The following WDR7 variants were observed in gnomAD, a reference collection of about 807,000 sequenced individuals.
The protein encoded by WDR7 is WD repeat domain 7.
In WDR7, 46 loss-of-function variants were observed where a neutral mutation model predicts 169.4. The ratio of observed to expected loss-of-function variants is 0.27; its 90% CI spans 0.21 to 0.35. The LOEUF (loss-of-function observed/expected upper bound fraction) is 0.35. Ranked by LOEUF, WDR7 falls within the 10% of genes least tolerant of loss-of-function variation. The pLI, the probability that WDR7 is intolerant of heterozygous loss-of-function variation, is 1.00. For synonymous variants in WDR7, 612 were observed against 666.8 expected, an observed-to-expected ratio of 0.92 and a Z score of 1.27; for missense variants, 1,534 against 1,859.3, an observed-to-expected ratio of 0.83 and a Z score of 3.22.
intron 26 of WDR7, among the ~76,000 whole-genome samples, chr18:56,986,731 TA>T (rs11333826): frequency 0.03 from 4,476 of 148,154 alleles, 130 homozygotes; most frequent in African/African-American, 0.072. Flanking sequence ...CGGGGGAAAA[TA>T]AAAAAAAAAT....
chr18:56,827,465 C>T (rs2045227601), intron 20 of WDR7, among the ~76,000 whole-genome samples: 1 of 152,028 alleles, frequency 6.6e-6, no homozygotes, highest in African/African-American at 2.4e-5. Context: ...CAAATGTCGC[C>T]TGTTCTCATT....
chr18:56,751,773 A>G (rs2043797216), intron 14 of WDR7, among the ~76,000 whole-genome samples: 1 of 152,192 alleles, frequency 6.6e-6, no homozygotes, highest in South Asian at 2.1e-4. Context: ...TTGGTAGGTA[A>G]AAATCAGTAA....
chr18:56,831,731 G>C (rs1162930731), intron 20 of WDR7, among the ~76,000 whole-genome samples: 1 of 152,066 alleles, frequency 6.6e-6, no homozygotes, highest in African/African-American at 2.4e-5. Flanking sequence ...GAAACACAAG[G>C]GGTTGGGGAA....
intron 25 of WDR7, among the ~76,000 whole-genome samples, chr18:56,942,325 A>T (rs1370399497): frequency 1.3e-5 from 2 of 152,058 alleles, no homozygotes; most frequent in East Asian, 1.9e-4. Flanking sequence ...AATATTAAGG[A>T]TCTAAAGGCA....
intron 26 of WDR7, among the ~76,000 whole-genome samples, chr18:56,982,809 C>T (rs1028063603): frequency 5.9e-5 from 9 of 152,178 alleles, no homozygotes; most frequent in African/African-American, 1.9e-4. Flanking sequence ...AATAAAGCAC[C>T]ATGATAATGT....
At chr18:56,672,935 G>T (rs1471254647) in intron 2 of WDR7, among the ~76,000 whole-genome samples, 2 of 152,030 alleles carry the variant, frequency 1.3e-5, no homozygotes, top group African/African-American at 4.8e-5. Context: ...AAATGATGAT[G>T]ACCCATACTG....
chr18:56,735,230 A>G (rs60113417), intron 14 of WDR7, among the ~76,000 whole-genome samples: 6,011 of 152,228 alleles, frequency 0.039, 366 homozygotes, highest in African/African-American at 0.13. Context: ...AAGCTGTTGC[A>G]TAAGTTGAAT....
chr18:56,809,525 T>A (rs1423378608), intron 19 of WDR7, among the ~76,000 whole-genome samples: 1 of 152,136 alleles, frequency 6.6e-6, no homozygotes, highest in Non-Finnish European at 1.5e-5. Flanking sequence ...TATAATTAAT[T>A]GACAATATTT....
rs114342988 is a variant in WDR7 at position 56,699,616 on chromosome 18, T to G, written c.1578+3154T>G. 1.7e-3 allele frequency among the ~76,000 whole-genome samples: 252 copies of G among 152,332 alleles called. 1 individual carries two copies. The highest frequency in any genetic ancestry group is 5.3e-3 in the African/African-American group (220 of 41,574). On this transcript the variant is annotated intron_variant, in intron 12 of 27. Transcript: ENST00000254442. Reference sequence around the variant, plus strand: ...TGTAATTATTTGTTCAGGAAAGATATTCTAAAACAGAGAAATGTCAGTTGT... The same window carrying G: ...TGTAATTATTTGTTCAGGAAAGATAGTCTAAAACAGAGAAATGTCAGTTGT...
chr18:56,922,558 A>AT (rs921659335), intron 21 of WDR7, among the ~76,000 whole-genome samples: 2 of 152,174 alleles, frequency 1.3e-5, no homozygotes, highest in Non-Finnish European at 2.9e-5. Flanking sequence ...CGAAATATGA[A>AT]TTTTGGGATG....
At chr18:56,781,865 A>G in intron 19 of WDR7, 1 of 426,156 alleles carries the variant, frequency 2.3e-6, no homozygotes, top group Non-Finnish European at 3.8e-6. Context: ...GGCTGTCTAT[A>G]TCAAAATATT....
At chr18:57,016,056 G>C (rs1599249207) in intron 26 of WDR7, among the ~76,000 whole-genome samples, 1 of 152,300 alleles carries the variant, frequency 6.6e-6, no homozygotes, top group African/African-American at 2.4e-5. Flanking sequence ...GCATAATTGT[G>C]TTTTTCGAGA....
intron 3 of WDR7, 145 bp from the exon 4 acceptor site, chr18:56,681,168 T>G (rs542447102): frequency 3.8e-5 from 24 of 636,744 alleles, no homozygotes; most frequent in Non-Finnish European, 5.3e-5. Flanking sequence ...GGACTGGAAA[T>G]TTTGATGAAC....
chr18:56,738,188 T>A (rs761408206), intron 14 of WDR7, among the ~76,000 whole-genome samples: 14 of 152,222 alleles, frequency 9.2e-5, no homozygotes, highest in Non-Finnish European at 1.6e-4. Context: ...TCTGGAGAGA[T>A]ACTAGAAGTA....
intron 20 of WDR7, among the ~76,000 whole-genome samples, chr18:56,824,309 T>C (rs895324780): frequency 3.3e-5 from 5 of 152,240 alleles, no homozygotes; most frequent in African/African-American, 1.2e-4. Context: ...TGTACACACT[T>C]CTGCTCTTGC....
At chr18:56,767,334 T>C (rs2044083658) in intron 16 of WDR7, among the ~76,000 whole-genome samples, 1 of 152,212 alleles carries the variant, frequency 6.6e-6, no homozygotes, top group Non-Finnish European at 1.5e-5. Context: ...CTCCCTTCTT[T>C]CTGTACATTG....
At chr18:56,808,688 T>A (rs1355573770) in intron 19 of WDR7, among the ~76,000 whole-genome samples, 1 of 152,130 alleles carries the variant, frequency 6.6e-6, no homozygotes, top group Non-Finnish European at 1.5e-5. Context: ...TTATTATTAC[T>A]CAGATATTGT....
At chr18:56,769,015 G>C (rs138521574) in intron 16 of WDR7, among the ~76,000 whole-genome samples, 7 of 152,246 alleles carry the variant, frequency 4.6e-5, no homozygotes, top group African/African-American at 1.4e-4. Flanking sequence ...CCTAACAGTG[G>C]ACTTGTTAAT....
chr18:56,794,589 G>A (rs746987837), intron 19 of WDR7, among the ~76,000 whole-genome samples: 4 of 151,908 alleles, frequency 2.6e-5, no homozygotes, highest in Admixed American at 2.0e-4. Flanking sequence ...GATTACAGGC[G>A]TGAGCCACCG....
Sources: allele counts gnomAD v4.1 joint callset (sites outside exome capture counted in the v4.1 genomes callset), GRCh38; gene constraint gnomAD v4.1.1; transcripts MANE v1.5; gene names NCBI Gene and HGNC (gene_info 2026-07-23, HGNC 2026-07-21).